Variants in RABGAP1L observed in about 807,000 individuals in gnomAD.
RABGAP1L encodes the protein RAB GTPase activating protein 1 like.
RABGAP1L carries 63 observed loss-of-function variants against 137.7 expected under a neutral mutation model. The ratio of observed to expected loss-of-function variants is 0.46; its 90% CI spans 0.37 to 0.56. The LOEUF (loss-of-function observed/expected upper bound fraction) is 0.56. RABGAP1L is among the 20% of genes least tolerant of loss of function. The pLI is 0.00. For synonymous variants in RABGAP1L, 431 were observed against 433.7 expected (o/e 0.99, Z 0.08); for missense variants, 1,095 against 1,244.0 (o/e 0.88, Z 1.80).
intron 14 of RABGAP1L, among the ~76,000 whole-genome samples, chr1:174,651,420 AT>A (rs529716098): frequency 1.0e-3 from 155 of 152,220 alleles, no homozygotes; most frequent in African/African-American, 3.4e-3. Flanking sequence ...GATCTGTCTA[AT>A]GTTGACAGTG....
rs111861523 is a variant in RABGAP1L, at chr1:174,213,030, G to C, written c.-33-6095G>C. ...TCAACAGACCAATAACAAGTAATGA[G>C]ATTGAAGCTGTAATGAAAAGTGTCC... On this transcript the variant is annotated intron_variant, in intron 1 of 25. Coordinates refer to ENST00000681986, the MANE Select transcript of RABGAP1L (RefSeq NM_001366446.1). 1.2e-3 allele frequency among the ~76,000 whole-genome samples: 185 copies of C among 152,298 alleles called. 1 individual carries two copies. Among genetic ancestry groups the C allele is most frequent in the African/African-American group, 4.3e-3 (180 of 41,578 alleles).
At chr1:174,238,646 C>G (rs1368612798) in intron 4 of RABGAP1L, among the ~76,000 whole-genome samples, 2 of 150,382 alleles carry the variant, frequency 1.3e-5, no homozygotes, top group African/African-American at 2.5e-5. Context: ...CAGCTGCGTG[C>G]TGGGAGAACC....
At chr1:174,681,407 A>C (rs1235657501) in intron 14 of RABGAP1L, among the ~76,000 whole-genome samples, 1 of 152,280 alleles carries the variant, frequency 6.6e-6, no homozygotes, top group African/African-American at 2.4e-5. Flanking sequence ...ACATGAAAGA[A>C]TCTCAGGAAC....
At chr1:174,617,882 G>C (rs1280226181) in intron 13 of RABGAP1L, among the ~76,000 whole-genome samples, 4 of 148,716 alleles carry the variant, frequency 2.7e-5, no homozygotes, top group Non-Finnish European at 6.1e-5. Flanking sequence ...CAGGACAGTG[G>C]GTGCAGCTAG....
At chr1:174,800,503 G>A (rs1490400521) in intron 18 of RABGAP1L, 17 of 1,550,240 alleles carry the variant, frequency 1.1e-5, no homozygotes, top group Admixed American at 2.0e-5. Context: ...TTCTGGCGGT[G>A]AGATTGTTTT....
intron 1 of RABGAP1L, among the ~76,000 whole-genome samples, chr1:174,216,561 C>CT (rs1210583973): frequency 2.1e-3 from 306 of 142,982 alleles, no homozygotes; most frequent in Middle Eastern, 7.4e-3. Flanking sequence ...TCCCCCTCCC[C>CT]TTTTTTTTTT....
At chr1:174,830,810 C>G (rs953712835) in intron 19 of RABGAP1L, among the ~76,000 whole-genome samples, 1 of 147,924 alleles carries the variant, frequency 6.8e-6, no homozygotes, top group African/African-American at 2.5e-5. Flanking sequence ...AAAAATACTT[C>G]ACAAAACCAA....
At position 174,201,920 on chromosome 1, in the gene RABGAP1L, C is replaced by T. The variant is rs566959351; in HGVS notation, c.-33-17205C>T. ...TGCGGTGTTTGATTCTTTGTCCTTG[C>T]GACAGTTTGCTGAGAATGATGGTTT... On this transcript the variant is annotated intron_variant, in intron 1 of 25. Coordinates refer to ENST00000681986, the MANE Select transcript of RABGAP1L (RefSeq NM_001366446.1). Among the ~76,000 whole-genome samples, 89 of 151,004 alleles carry T rather than the reference C, an allele frequency of 5.9e-4. 1 individual carries two copies. Among genetic ancestry groups the T allele is most frequent in the African/African-American group, 1.9e-3 (77 of 41,108 alleles).
chr1:174,195,750 T>TC (rs1491464542), intron 1 of RABGAP1L, among the ~76,000 whole-genome samples: 37 of 138,492 alleles, frequency 2.7e-4, no homozygotes, highest in African/African-American at 9.8e-4. Flanking sequence ...TTTCTTTCTT[T>TC]CTCTCTTTCT....
At chr1:174,698,371 A>C (rs1044374130) in intron 15 of RABGAP1L, among the ~76,000 whole-genome samples, 2 of 152,214 alleles carry the variant, frequency 1.3e-5, no homozygotes, top group African/African-American at 2.4e-5. Flanking sequence ...AGTATGTTAG[A>C]GTTTACTGGC....
chr1:174,364,242 C>CCTTTTTTTTTT (rs1684394066), intron 11 of RABGAP1L, among the ~76,000 whole-genome samples: 1 of 113,192 alleles, frequency 8.8e-6, no homozygotes, highest in African/African-American at 4.0e-5. Context: ...TTTTGGATTT[C>CCTTTTTTTTTT]CTTTTTTTTT....
At chr1:174,200,182 CAT>C (rs1571511300) in intron 1 of RABGAP1L, among the ~76,000 whole-genome samples, 1 of 152,172 alleles carries the variant, frequency 6.6e-6, no homozygotes, top group South Asian at 2.1e-4. Flanking sequence ...AGGCACATCT[CAT>C]ATGTGTGTGA....
At chr1:174,332,947 A>C (rs1681163471) in intron 11 of RABGAP1L, among the ~76,000 whole-genome samples, 1 of 152,248 alleles carries the variant, frequency 6.6e-6, no homozygotes, top group Admixed American at 6.5e-5. Context: ...ATGGATAAAG[A>C]AAATGTATTA....
intron 19 of RABGAP1L, among the ~76,000 whole-genome samples, chr1:174,851,767 C>T (rs541102198): frequency 2.0e-5 from 3 of 151,978 alleles, no homozygotes; most frequent in Admixed American, 6.6e-5. Flanking sequence ...GCAGTCCTCC[C>T]ACCTCAGCTT....
At chr1:174,667,722 TTAACTC>T (rs1676887859) in intron 14 of RABGAP1L, among the ~76,000 whole-genome samples, 2 of 152,206 alleles carry the variant, frequency 1.3e-5, no homozygotes, top group African/African-American at 4.8e-5. Flanking sequence ...TTCCTTGCCT[TTAACTC>T]TATTTCCTGT....
intron 13 of RABGAP1L, among the ~76,000 whole-genome samples, chr1:174,427,144 ATGTGTGTG>A (rs57986877): frequency 0.055 from 7,915 of 144,624 alleles, 309 homozygotes; most frequent in African/African-American, 0.1. Flanking sequence ...CCGCATGTTT[ATGTGTGTG>A]TGTGTGTGTG....
At chr1:174,969,507 A>AG (rs1420859634) in intron 21 of RABGAP1L, 120 bp downstream of exon 21, 2 of 729,888 alleles carry the variant, frequency 2.7e-6, no homozygotes, top group Admixed American at 4.6e-5. Context: ...GACAAGTGGC[A>AG]GGGACAGTCT....
chr1:174,331,923 G>A (rs762471203), intron 11 of RABGAP1L, among the ~76,000 whole-genome samples: 5 of 150,056 alleles, frequency 3.3e-5, no homozygotes, highest in African/African-American at 7.4e-5. Context: ...GAGAACATGC[G>A]GTGTTTGGTT....
At chr1:174,166,391 A>G (rs1427270133) in intron 1 of RABGAP1L, among the ~76,000 whole-genome samples, 2 of 152,222 alleles carry the variant, frequency 1.3e-5, no homozygotes, top group Admixed American at 6.5e-5. Flanking sequence ...GCAGAAGGGT[A>G]GTTTATACAG....
Sources: gnomAD v4.1 joint callset for allele counts (sites outside exome capture counted in the v4.1 genomes callset) on GRCh38, gnomAD v4.1.1 for gene constraint, MANE v1.5 for transcripts, NCBI Gene and HGNC (gene_info 2026-07-23, HGNC 2026-07-21) for gene names.